THADA: variants seen among roughly 807,000 people sequenced by gnomAD.
The protein encoded by THADA is THADA armadillo repeat containing.
A neutral mutation model predicts 219.8 loss-of-function variants in THADA; 213 were observed. The ratio of observed to expected loss-of-function variants is 0.97; its 90% CI spans 0.87 to 1.09. THADA has a LOEUF of 1.09. Ranked by LOEUF, THADA falls within the 50% of genes least tolerant of loss-of-function variation. THADA has a pLI of 0.00. For synonymous variants in THADA, 1,018 were observed against 828.9 expected (o/e 1.23, Z -3.92); for missense variants, 2,956 against 2,311.3 (o/e 1.28, Z -5.72).
chr2:43,307,922 C>T (rs989628662), intron 31 of THADA, among the ~76,000 whole-genome samples: 2 of 152,128 alleles, frequency 1.3e-5, no homozygotes, highest in African/African-American at 4.8e-5. Context: ...CAGTTACGTA[C>T]ACCTGCTACA....
chr2:43,288,175 T>G (rs1043466379), intron 34 of THADA, among the ~76,000 whole-genome samples: 3 of 152,226 alleles, frequency 2.0e-5, no homozygotes, highest in African/African-American at 7.2e-5. Flanking sequence ...TCCCAGCACT[T>G]TGGGAGGCCA....
In THADA at chr2:43,239,777, G is replaced by C. The variant is rs186102457; in HGVS notation, c.5297-6895C>G. On this transcript the variant is annotated intron_variant, in intron 36 of 37. Coordinates refer to ENST00000405975, the MANE Select transcript of THADA (RefSeq NM_022065.5). ...CTAGCTCTGGAGAATCCTCCTTCAG[G>C]CATCTGAAAAATCCCTCAGCTTTAG... 2.6e-3 allele frequency among the ~76,000 whole-genome samples: 392 copies of C among 152,280 alleles called. 3 individuals are homozygous for C. The highest frequency in any genetic ancestry group is 9.0e-3 in the African/African-American group (372 of 41,550).
intron 16 of THADA, among the ~76,000 whole-genome samples, chr2:43,557,340 T>C (rs1697496139): frequency 6.6e-6 from 1 of 152,230 alleles, no homozygotes; most frequent in African/African-American, 2.4e-5. Flanking sequence ...CCAGACTATC[T>C]TTACTATTTC....
intron 28 of THADA, among the ~76,000 whole-genome samples, chr2:43,401,456 T>A (rs1278309471): frequency 6.6e-6 from 1 of 152,082 alleles, no homozygotes; most frequent in Non-Finnish European, 1.5e-5. Flanking sequence ...TTTTTTTTAT[T>A]TGTAGTAGAG....
Position 43,498,873 on chromosome 2 carries a change from G to C in THADA, c.3704C>G (p.Ala1235Gly). 2 of 1,612,436 alleles carry C rather than the reference G, an allele frequency of 1.2e-6. No individual in the cohort carries two copies. Among genetic ancestry groups the C allele is most frequent in the Non-Finnish European group, 1.7e-6 (2 of 1,179,304 alleles). Reference sequence around the variant, plus strand: ...TGTAAAACCCAGAATTGCAGCCTTAGCTCCATCAGCAACATAAGGAATAAT... The same window carrying C: ...TGTAAAACCCAGAATTGCAGCCTTACCTCCATCAGCAACATAAGGAATAAT... ...ENIIPYVADG[A>G]KAAILGFTSP... Residue 1235 changes from alanine to glycine, a missense_variant, in exon 25 of 38, where the codon GCT becomes GGT. Transcript: ENST00000405975.
At chr2:43,576,991 C>G (rs755628312) in intron 10 of THADA, 31 bp downstream of exon 10, 3 of 1,581,888 alleles carry the variant, frequency 1.9e-6, no homozygotes, top group African/African-American at 1.3e-5. Context: ...ACAAGTGAAA[C>G]AAAATATGAG....
intron 30 of THADA, among the ~76,000 whole-genome samples, chr2:43,327,737 C>G (rs756621944): frequency 3.3e-5 from 5 of 152,128 alleles, no homozygotes; most frequent in Non-Finnish European, 7.4e-5. Flanking sequence ...GAGATCCTAT[C>G]TCAAACAGCA....
intron 21 of THADA, among the ~76,000 whole-genome samples, chr2:43,530,743 T>G (rs1266366552): frequency 6.6e-6 from 1 of 152,226 alleles, no homozygotes; most frequent in Non-Finnish European, 1.5e-5. Context: ...TTTTCATTGC[T>G]TCCTTTATTC....
At chr2:43,579,018 G>C (rs1011639301) in intron 8 of THADA, among the ~76,000 whole-genome samples, 2 of 152,170 alleles carry the variant, frequency 1.3e-5, no homozygotes, top group African/African-American at 2.4e-5. Flanking sequence ...CTTTAGTAGA[G>C]ATGGGGTTTC....
At chr2:43,514,049 G>C (rs1439325541) in intron 22 of THADA, among the ~76,000 whole-genome samples, 1 of 148,584 alleles carries the variant, frequency 6.7e-6, no homozygotes, top group Non-Finnish European at 1.5e-5. Context: ...GACACAGTGA[G>C]ACACTGTCCC....
At chr2:43,444,758 T>C (rs1681299088) in intron 26 of THADA, among the ~76,000 whole-genome samples, 1 of 152,020 alleles carries the variant, frequency 6.6e-6, no homozygotes. Flanking sequence ...CACACACCCA[T>C]TTCTTATACA....
intron 22 of THADA, among the ~76,000 whole-genome samples, chr2:43,512,907 G>A (rs533768965): frequency 6.6e-6 from 1 of 152,332 alleles, no homozygotes; most frequent in South Asian, 2.1e-4. Flanking sequence ...ACGACACCAG[G>A]CTTTTCACAG....
chr2:43,342,403 T>C (rs985793227), intron 30 of THADA, among the ~76,000 whole-genome samples: 1 of 152,252 alleles, frequency 6.6e-6, no homozygotes, highest in African/African-American at 2.4e-5. Flanking sequence ...AAAGGTTTCT[T>C]ACAGGAGCTT....
chr2:43,354,775 C>T (rs182265420), intron 29 of THADA, among the ~76,000 whole-genome samples: 1 of 152,228 alleles, frequency 6.6e-6, no homozygotes, highest in South Asian at 2.1e-4. Flanking sequence ...TGTGTCCCTA[C>T]CCAAATCTCA....
intron 21 of THADA, among the ~76,000 whole-genome samples, chr2:43,535,660 C>T (rs1254081741): frequency 6.3e-5 from 7 of 111,912 alleles, no homozygotes; most frequent in Admixed American, 2.5e-4. Context: ...CAAGCCTGGG[C>T]GACACAGCGA....
intron 14 of THADA, 28 bp from the exon 15 acceptor site, chr2:43,566,849 A>G (rs1386790191): frequency 8.7e-6 from 12 of 1,371,458 alleles, no homozygotes; most frequent in Middle Eastern, 4.5e-4. Flanking sequence ...AATTACAGTA[A>G]GTATAATTAC....
chr2:43,541,339 G>A (rs112894148), intron 20 of THADA, 23 bp from the exon 21 acceptor site: 34 of 1,609,584 alleles, frequency 2.1e-5, no homozygotes, highest in Non-Finnish European at 2.8e-5. Context: ...AAAACACAAC[G>A]ATTGCAACCT....
intron 36 of THADA, among the ~76,000 whole-genome samples, chr2:43,241,611 T>C (rs75489355): frequency 0.022 from 3,314 of 151,074 alleles, 100 homozygotes; most frequent in African/African-American, 0.073. Context: ...TCAGGGCAAT[T>C]CTCATAAAGA....
At chr2:43,424,993 T>C (rs967007499) in intron 28 of THADA, among the ~76,000 whole-genome samples, 1 of 152,210 alleles carries the variant, frequency 6.6e-6, no homozygotes, top group Non-Finnish European at 1.5e-5. Context: ...CAGCTGTGGA[T>C]ATAGGCTCCT....
Sources: gnomAD v4.1 joint callset for allele counts (sites outside exome capture counted in the v4.1 genomes callset) on GRCh38, gnomAD v4.1.1 for gene constraint, MANE v1.5 for transcripts, NCBI Gene and HGNC (gene_info 2026-07-23, HGNC 2026-07-21) for gene names.